The following ENDOU variants were observed in gnomAD, a reference collection of about 807,000 sequenced individuals.
The protein encoded by ENDOU is endonuclease, poly(U) specific, also known as uridylate-specific endoribonuclease.
ENDOU carries 49 observed loss-of-function variants against 54.2 expected under a neutral mutation model. The observed-to-expected ratio is 0.90, with a 90% confidence interval of 0.72 to 1.15. The LOEUF (loss-of-function observed/expected upper bound fraction) is 1.15. Among genes scored for constraint, ENDOU ranks in the 50% most tolerant of loss-of-function variants. ENDOU has a pLI of 0.00. For missense variants in ENDOU, 458 were observed against 511.4 expected (o/e 0.90, Z 1.01); for synonymous variants, 172 against 190.5 (o/e 0.90, Z 0.80).
Position 47,710,449 on chromosome 12 carries a change from C to G in ENDOU, c.*353G>C, listed in dbSNP as rs1939944964. ...AAGAGGAAAGTGGGCAAACCCCTTC[C>G]CTTTACATTAAAGGGAAGCATGAGG... On this transcript the variant is annotated 3_prime_UTR_variant, in exon 10 of 10. Coordinates refer to ENST00000422538, the MANE Select transcript of ENDOU (RefSeq NM_001172439.2). 1 of 164,632 alleles carries G rather than the reference C, an allele frequency of 6.1e-6. No homozygotes were observed. Among genetic ancestry groups the G allele is most frequent in the Admixed American group, 6.4e-5 (1 of 15,738 alleles). The allele number at this position is 164,632 out of a possible 1,614,324, so 10.2% of individuals were successfully genotyped here.
At chr12:47,717,143 G>A (rs1940276318) in intron 4 of ENDOU, 85 bp from the exon 5 acceptor site, 2 of 1,213,540 alleles carry the variant, frequency 1.6e-6, no homozygotes, top group East Asian at 2.3e-5. Flanking sequence ...TCCCCTCCTG[G>A]GCACCTTCAA....
chr12:47,720,899 C>T (rs1379771939), intron 1 of ENDOU, 24 bp from the exon 2 acceptor site: 1 of 1,535,656 alleles, frequency 6.5e-7, no homozygotes. Flanking sequence ...AGGTCACCAA[C>T]TCAGCTCTAT....
At chr12:47,714,489 T>G (rs1592503874) in intron 6 of ENDOU, among the ~76,000 whole-genome samples, 1 of 152,244 alleles carries the variant, frequency 6.6e-6, no homozygotes, top group African/African-American at 2.4e-5. Flanking sequence ...GATGGTGGTG[T>G]TAACTCCGGA....
intron 4 of ENDOU, 71 bp downstream of exon 4, chr12:47,717,447 G>T: frequency 1.3e-6 from 2 of 1,532,452 alleles, no homozygotes; most frequent in South Asian, 1.2e-5. Flanking sequence ...CTGGTCCAGG[G>T]ACCACATGTT....
At position 47,720,617 on chromosome 12, in the gene ENDOU, C is replaced by T. The variant is rs988017308; in HGVS notation, c.178+136G>A. On this transcript the variant is annotated intron_variant, in intron 2 of 9. Transcript: ENST00000422538. Reference sequence around the variant, plus strand: ...AGTGGTGGCCAAATTCCTGACCCTGCCTCTGTCCCTCAGTGCTTTCTGTCC... The same window carrying T: ...AGTGGTGGCCAAATTCCTGACCCTGTCTCTGTCCCTCAGTGCTTTCTGTCC... 10 of 893,664 alleles carry T rather than the reference C, an allele frequency of 1.1e-5. No individual in the cohort carries two copies. The East Asian group carries it at 2.2e-4, about 20-fold the overall frequency. The allele number at this position is 893,664 out of a possible 1,614,324, so 55.4% of individuals were successfully genotyped here.
chr12:47,719,355 G>A (rs2136684271), intron 2 of ENDOU: 1 of 152,266 alleles, frequency 6.6e-6, no homozygotes, highest in Non-Finnish European at 1.5e-5. Context: ...CTCCCTGCCT[G>A]GGGAAGGAGG....
rs929269 is a variant in ENDOU, at chr12:47,720,978, C to G, written c.56-103G>C. On this transcript the variant is annotated intron_variant, in intron 1 of 9. Coordinates refer to ENST00000422538, the MANE Select transcript of ENDOU (RefSeq NM_001172439.2). ...CAGACCAGGGCAGGAGTGTACCTGG[C>G]AGGGAAGGGCATTACTCTCTGCAAA... 89,659 of 1,108,290 alleles carry G rather than the reference C, an allele frequency of 0.081. 7,375 individuals are homozygous for G. Among genetic ancestry groups the G allele is most frequent in the Admixed American group, 0.36 (16,121 of 45,224 alleles). 68.7% of individuals were successfully genotyped at this position (1,108,290 alleles called of 1,614,324 possible). A position where few individuals can be genotyped will look rare whatever the true frequency, so the allele number is the denominator to read the frequency against.
At chr12:47,717,783 A>G in intron 3 of ENDOU, 128 bp from the exon 4 acceptor site, 1 of 983,874 alleles carries the variant, frequency 1.0e-6, no homozygotes, top group South Asian at 1.6e-5. Context: ...AAGGAAAACA[A>G]ACAAACCTAA....
intron 1 of ENDOU, among the ~76,000 whole-genome samples, chr12:47,723,142 A>G (rs537960224): frequency 6.6e-6 from 1 of 152,316 alleles, no homozygotes; most frequent in African/African-American, 2.4e-5. Flanking sequence ...GCGAGCAGTC[A>G]GCTGGACGTG....
intron 1 of ENDOU, among the ~76,000 whole-genome samples, chr12:47,723,715 C>A (rs1940504266): frequency 6.6e-6 from 1 of 152,160 alleles, no homozygotes; most frequent in Non-Finnish European, 1.5e-5. Context: ...TGGTGCTCAG[C>A]CCCTCTGATG....
intron 2 of ENDOU, chr12:47,719,690 A>G (rs571652951): frequency 4.6e-5 from 7 of 152,324 alleles, no homozygotes; most frequent in African/African-American, 1.7e-4. Flanking sequence ...CTCCCCAGCC[A>G]TGTGGAACGG....
Position 47,711,790 on chromosome 12 carries a change from G to T in ENDOU, c.973-15C>A, listed in dbSNP as rs778803343. On this transcript the variant is annotated splice_polypyrimidine_tract_variant and intron_variant, in intron 8 of 9. Transcript: ENST00000422538. ...TAAGAATCCCACTGTGGAGGGAAGGGCAGAAAAGGGGGTCTGGTGAGTGCC... is the reference window on the plus strand; with the variant it reads ...TAAGAATCCCACTGTGGAGGGAAGGTCAGAAAAGGGGGTCTGGTGAGTGCC... The T allele has an allele frequency of 4.3e-6, 7 of 1,613,732 alleles. No individual in the cohort carries two copies. The highest frequency in any genetic ancestry group is 5.9e-6 in the Non-Finnish European group (7 of 1,179,916).
rs1416195292 is a variant in ENDOU at position 47,718,097 on chromosome 12, T to C, written c.244+32A>G. 5.2e-6 allele frequency: 8 copies of C among 1,545,066 alleles called. No homozygotes were observed. The Admixed American group carries it at 9.7e-5, about 19-fold the overall frequency. On this transcript the variant is annotated intron_variant, in intron 3 of 9. Coordinates refer to ENST00000422538, the MANE Select transcript of ENDOU (RefSeq NM_001172439.2). ...ACCCTCATGTCCCTCCTGCTTTATC[T>C]TGAGGGCCCCCCTTTGGGGAGGCAG...
chr12:47,724,625 C>T (rs1940530403), intron 1 of ENDOU, among the ~76,000 whole-genome samples: 1 of 152,038 alleles, frequency 6.6e-6, no homozygotes, highest in South Asian at 2.1e-4. Context: ...TCAGCTCAGC[C>T]CCTCCCTTGG....
In ENDOU at chr12:47,716,983, G is replaced by T. The variant is rs759817492; in HGVS notation, c.458C>A (p.Thr153Asn). Residue 153 changes from threonine (T) to asparagine (N), a missense_variant, in exon 5 of 10, where the codon ACC becomes AAC. Thr to Asn is a moderately conservative substitution (Grantham distance 65). Transcript: ENST00000422538. ...GATGTCTTCCTTCTGGGCTTTGTTG[G>T]TGTCTGCCCTGTAGATCTTCTCAGA... Reference protein sequence around the residue: ...SISEKIYRADTNKAQKEDIVL... With the variant: ...SISEKIYRADNNKAQKEDIVL... 1.9e-6 allele frequency: 3 copies of T among 1,614,050 alleles called. No homozygotes were observed. Among genetic ancestry groups the T allele is most frequent in the Non-Finnish European group, 2.5e-6 (3 of 1,179,912 alleles).
chr12:47,711,877 T>G, intron 8 of ENDOU, 102 bp from the exon 9 acceptor site: 1 of 1,304,992 alleles, frequency 7.7e-7, no homozygotes, highest in Non-Finnish European at 1.1e-6. Flanking sequence ...TGAGGGTCCA[T>G]TAGGGGCCTG....
At chr12:47,721,951 G>T (rs1039448034) in intron 1 of ENDOU, among the ~76,000 whole-genome samples, 2 of 152,226 alleles carry the variant, frequency 1.3e-5, no homozygotes, top group African/African-American at 4.8e-5. Context: ...ACCTAATTTG[G>T]ACCAGGGTTG....
intron 1 of ENDOU, among the ~76,000 whole-genome samples, chr12:47,723,687 C>T (rs944555911): frequency 2.0e-5 from 3 of 152,172 alleles, no homozygotes; most frequent in African/African-American, 7.2e-5. Context: ...CCTGGGTGGA[C>T]ACAGTGTCCC....
chr12:47,710,665 T>G lies in ENDOU; in HGVS notation c.*137A>C, dbSNP rs1939952353. 2.9e-6 allele frequency: 2 copies of G among 685,178 alleles called. No individual in the cohort carries two copies. The highest frequency in any genetic ancestry group is 5.4e-6 in the Non-Finnish European group (2 of 373,382). 42.4% of individuals were successfully genotyped at this position (685,178 alleles called of 1,614,324 possible). ...TTTATCTCTTTCCCATGTGGGCACT[T>G]TGGGATTTAGGAATGCTTCTCATTG... On this transcript the variant is annotated 3_prime_UTR_variant, in exon 10 of 10. Coordinates refer to ENST00000422538, the MANE Select transcript of ENDOU (RefSeq NM_001172439.2).
Sources: gnomAD v4.1 joint callset for allele counts (sites outside exome capture counted in the v4.1 genomes callset) on GRCh38, gnomAD v4.1.1 for gene constraint, MANE v1.5 for transcripts, NCBI Gene and HGNC (gene_info 2026-07-23, HGNC 2026-07-21) for gene names.